Variants in KCNT2 observed in about 807,000 individuals in gnomAD.
The protein encoded by KCNT2 is potassium sodium-activated channel subfamily T member 2.
Under a neutral mutation model 153.8 loss-of-function variants are expected in KCNT2, and 67 were observed. The observed-to-expected ratio is 0.44, with a 90% CI of 0.36 to 0.53. KCNT2 has a LOEUF of 0.53. Ranked by LOEUF, KCNT2 falls within the 20% of genes least tolerant of loss-of-function variation. The probability of loss-of-function intolerance (pLI) is 0.00; values close to 1 mark genes in which losing one functional copy is unlikely to be tolerated. For missense variants in KCNT2, 975 were observed against 1,354.8 expected, an observed-to-expected ratio of 0.72 and a Z score of 4.40; for synonymous variants, 500 against 458.8, an observed-to-expected ratio of 1.09 and a Z score of -1.15.
At chr1:196,308,629 C>T (rs1422051654) in intron 21 of KCNT2, among the ~76,000 whole-genome samples, 1 of 151,924 alleles carries the variant, frequency 6.6e-6, no homozygotes, top group African/African-American at 2.4e-5. Context: ...TATGATTTAC[C>T]TCCAATTATT....
intron 22 of KCNT2, among the ~76,000 whole-genome samples, chr1:196,292,944 T>TCAA (rs1225838622): frequency 2.0e-5 from 3 of 147,958 alleles, no homozygotes; most frequent in African/African-American, 7.5e-5. Context: ...TTCAGCAAAA[T>TCAA]CAACACATAA....
chr1:196,342,369 T>C, intron 14 of KCNT2, 141 bp from the exon 15 acceptor site: 1 of 492,138 alleles, frequency 2.0e-6, no homozygotes, highest in East Asian at 3.5e-5. Flanking sequence ...AGTAATGCTT[T>C]GAAGTCTGAA....
chr1:196,246,360 A>G (rs959268995), intron 26 of KCNT2, among the ~76,000 whole-genome samples: 3 of 152,192 alleles, frequency 2.0e-5, no homozygotes, highest in Non-Finnish European at 4.4e-5. Flanking sequence ...CAGACCTGCT[A>G]TAAGAAATGC....
chr1:196,498,368 G>C (rs923183924), intron 1 of KCNT2, among the ~76,000 whole-genome samples: 1 of 152,136 alleles, frequency 6.6e-6, no homozygotes, highest in Non-Finnish European at 1.5e-5. Context: ...AGTAGACATA[G>C]ATCACTATCA....
intron 1 of KCNT2, among the ~76,000 whole-genome samples, chr1:196,555,070 G>A (rs1658467252): frequency 6.6e-6 from 1 of 151,068 alleles, no homozygotes; most frequent in Admixed American, 6.6e-5. Context: ...TTCCTCTAAG[G>A]TTTGGAGCAT....
chr1:196,386,538 G>C (rs1670002503), intron 13 of KCNT2, among the ~76,000 whole-genome samples: 1 of 151,916 alleles, frequency 6.6e-6, no homozygotes, highest in Admixed American at 6.6e-5. Flanking sequence ...TCTACCAAAG[G>C]GCAAAAGTTA....
intron 16 of KCNT2, 118 bp downstream of exon 16, chr1:196,340,223 A>G: frequency 1.5e-6 from 1 of 658,634 alleles, no homozygotes; most frequent in Middle Eastern, 4.3e-4. Flanking sequence ...AGTTTGTAAA[A>G]TGCAGCATGT....
In KCNT2 at chr1:196,431,843, G is replaced by A. The variant is rs368470211; in HGVS notation, c.639-2086C>T. 3.5e-4 allele frequency among the ~76,000 whole-genome samples: 53 copies of A among 152,202 alleles called. No homozygotes were observed. The South Asian group carries it at 0.01, about 30-fold the overall frequency. On this transcript the variant is annotated intron_variant, in intron 8 of 27. Transcript: ENST00000294725. ...TTGTAAATAAAAATTGTGCTCCAGA[G>A]AAAACACCAACAGTTTGTCCAAGCA...
chr1:196,457,744 C>T (rs1488452909), intron 8 of KCNT2, among the ~76,000 whole-genome samples: 1 of 151,932 alleles, frequency 6.6e-6, no homozygotes, highest in Non-Finnish European at 1.5e-5. Context: ...TTAGTCAAGG[C>T]TTCTTACCTA....
intron 14 of KCNT2, among the ~76,000 whole-genome samples, chr1:196,354,526 T>C (rs1389017248): frequency 6.6e-6 from 1 of 151,794 alleles, no homozygotes; most frequent in Non-Finnish European, 1.5e-5. Flanking sequence ...TGTTTACATA[T>C]ATATAACTAC....
At chr1:196,389,036 A>C (rs1406614255) in intron 13 of KCNT2, among the ~76,000 whole-genome samples, 2 of 151,720 alleles carry the variant, frequency 1.3e-5, no homozygotes, top group African/African-American at 4.8e-5. Context: ...AGTATGCACA[A>C]ATTTTTGTTA....
In KCNT2 at chr1:196,428,181, A is replaced by G. The variant is rs748200873; in HGVS notation, c.908T>C (p.Val303Ala). 6.2e-7 allele frequency: 1 copy of G among 1,612,206 alleles called. No individual in the cohort carries two copies. Residue 303 changes from valine to alanine, a missense_variant, in exon 10 of 28, where the codon GTC (valine) becomes GCC (alanine). Physicochemically the swap from Val to Ala is moderately conservative, Grantham distance 64 (BLOSUM62 0). Transcript: ENST00000294725. ...AATCTTCAGTGAGCTGACACACAGGACGACATGCTTTTCAGTTTGAGCTCT... is the reference window on the plus strand; with the variant it reads ...AATCTTCAGTGAGCTGACACACAGGGCGACATGCTTTTCAGTTTGAGCTCT... ...RHRAQTEKHV[V>A]LCVSSLKIDL...
intron 16 of KCNT2, among the ~76,000 whole-genome samples, chr1:196,339,522 G>GAGAGAT (rs1400221317): frequency 1.5e-4 from 6 of 39,750 alleles, no homozygotes; most frequent in African/African-American, 2.4e-4. Flanking sequence ...CACACACACA[G>GAGAGAT]AGAGAGAGAG....
At chr1:196,339,518 C>G (rs984960956) in intron 16 of KCNT2, among the ~76,000 whole-genome samples, 2 of 100,270 alleles carry the variant, frequency 2.0e-5, no homozygotes, top group African/African-American at 6.4e-5. Flanking sequence ...CACACACACA[C>G]ACAGAGAGAG....
intron 16 of KCNT2, 77 bp downstream of exon 16, chr1:196,340,264 T>C: frequency 2.2e-6 from 2 of 910,954 alleles, no homozygotes; most frequent in South Asian, 2.1e-5. Flanking sequence ...TTAATAAAAA[T>C]TTAAATGCAT....
At chr1:196,403,677 A>G (rs916861576) in intron 12 of KCNT2, among the ~76,000 whole-genome samples, 3 of 151,324 alleles carry the variant, frequency 2.0e-5, no homozygotes, top group African/African-American at 7.3e-5. Flanking sequence ...TGAGATATGG[A>G]CATTCTCTAT....
At chr1:196,406,145 T>C (rs1001697217) in intron 12 of KCNT2, among the ~76,000 whole-genome samples, 3 of 151,420 alleles carry the variant, frequency 2.0e-5, no homozygotes, top group African/African-American at 7.3e-5. Flanking sequence ...ATGTAGACTG[T>C]TAAAAAGTAT....
At chr1:196,361,113 G>A (rs749994485) in intron 14 of KCNT2, among the ~76,000 whole-genome samples, 1 of 151,888 alleles carries the variant, frequency 6.6e-6, no homozygotes, top group Admixed American at 6.6e-5. Context: ...CCTATGGAGC[G>A]GATATGCAGG....
intron 26 of KCNT2, among the ~76,000 whole-genome samples, chr1:196,250,615 G>A (rs1655876816): frequency 6.6e-6 from 1 of 152,028 alleles, no homozygotes; most frequent in South Asian, 2.1e-4. Flanking sequence ...TGCAAAAATT[G>A]ACAAATGGGA....
Sources: gnomAD v4.1 joint callset for allele counts (sites outside exome capture counted in the v4.1 genomes callset) on GRCh38, gnomAD v4.1.1 for gene constraint, MANE v1.5 for transcripts, NCBI Gene and HGNC (gene_info 2026-07-23, HGNC 2026-07-21) for gene names.